The following CHRNA7 variants were observed in gnomAD, a reference collection of about 807,000 sequenced individuals.
CHRNA7 encodes neuronal acetylcholine receptor subunit alpha-7.
Under a neutral mutation model 48.0 loss-of-function variants are expected in CHRNA7, and 17 were observed. That is an observed-to-expected ratio of 0.35 (90% CI 0.24 to 0.53). CHRNA7 has a LOEUF of 0.53. Ranked by LOEUF, CHRNA7 falls within the 20% of genes least tolerant of loss-of-function variation. The pLI is 0.92. For missense variants in CHRNA7, 155 were observed against 577.7 expected (o/e 0.27, Z 7.50); for synonymous variants, 75 against 242.3 (o/e 0.31, Z 6.41).
intron 3 of CHRNA7, among the ~76,000 whole-genome samples, chr15:32,105,285 A>T (rs1428716351): frequency 6.6e-6 from 1 of 152,200 alleles, no homozygotes; most frequent in Admixed American, 6.5e-5. Context: ...TTCTACCTTT[A>T]AGCCATTTAT....
intron 2 of CHRNA7, among the ~76,000 whole-genome samples, chr15:32,042,473 A>G (rs909974131): frequency 6.6e-6 from 1 of 152,146 alleles, no homozygotes; most frequent in African/African-American, 2.4e-5. Flanking sequence ...TTTCTTCAGT[A>G]TTTCCTGTGG....
At chr15:32,034,728 T>C (rs1338771699) in intron 2 of CHRNA7, among the ~76,000 whole-genome samples, 2 of 152,172 alleles carry the variant, frequency 1.3e-5, no homozygotes, top group Admixed American at 1.3e-4. Context: ...GTATAAATTA[T>C]AGATTGGAGT....
intron 2 of CHRNA7, among the ~76,000 whole-genome samples, chr15:32,035,701 A>G (rs373145243): frequency 6.6e-6 from 1 of 152,358 alleles, no homozygotes; most frequent in East Asian, 1.9e-4. Context: ...ACTGTCAAAT[A>G]TTATAAAACC....
chr15:32,114,557 T>G (rs2050835883), intron 4 of CHRNA7, among the ~76,000 whole-genome samples: 1 of 152,208 alleles, frequency 6.6e-6, no homozygotes, highest in African/African-American at 2.4e-5. Flanking sequence ...CTTCAATTTC[T>G]GCTTTTGTTT....
chr15:32,127,986 T>C (rs1026206302), intron 4 of CHRNA7, among the ~76,000 whole-genome samples: 1 of 152,050 alleles, frequency 6.6e-6, no homozygotes, highest in African/African-American at 2.4e-5. Context: ...TGTCAATTTT[T>C]GGTATGATAT....
chr15:32,139,355 T>G (rs1347114879), intron 4 of CHRNA7, among the ~76,000 whole-genome samples: 1 of 152,258 alleles, frequency 6.6e-6, no homozygotes, highest in Non-Finnish European at 1.5e-5. Flanking sequence ...AACACACGTT[T>G]TCTGCTCCTT....
chr15:32,074,768 C>G (rs2050111597), intron 2 of CHRNA7, among the ~76,000 whole-genome samples: 1 of 151,876 alleles, frequency 6.6e-6, no homozygotes, highest in Non-Finnish European at 1.5e-5. Context: ...GATTCTCAGG[C>G]TCCCGAGTAG....
intron 4 of CHRNA7, among the ~76,000 whole-genome samples, chr15:32,147,692 A>C (rs2051520694): frequency 6.6e-6 from 1 of 152,256 alleles, no homozygotes; most frequent in Admixed American, 6.5e-5. Context: ...TGGCAGGTAG[A>C]AATGACCATA....
At chr15:32,086,511 G>T (rs559678492) in intron 2 of CHRNA7, among the ~76,000 whole-genome samples, 1 of 152,128 alleles carries the variant, frequency 6.6e-6, no homozygotes, top group African/African-American at 2.4e-5. Flanking sequence ...TCTTGCATCA[G>T]TATGATGCTG....
chr15:32,071,787 C>T (rs939753440), intron 2 of CHRNA7, among the ~76,000 whole-genome samples: 15 of 151,910 alleles, frequency 9.9e-5, no homozygotes, highest in Non-Finnish European at 1.9e-4. Context: ...TGGCACTATG[C>T]TTCTCGTACA....
At chr15:32,136,118 C>T (rs1406384671) in intron 4 of CHRNA7, among the ~76,000 whole-genome samples, 4 of 151,902 alleles carry the variant, frequency 2.6e-5, no homozygotes, top group East Asian at 1.9e-4. Flanking sequence ...AAGCAGTGAG[C>T]GAAGCAATTG....
chr15:32,129,260 G>T (rs2051117439), intron 4 of CHRNA7, among the ~76,000 whole-genome samples: 1 of 151,910 alleles, frequency 6.6e-6, no homozygotes, highest in African/African-American at 2.4e-5. Context: ...TCTAGTTTTG[G>T]TTATGAGGTT....
chr15:32,131,299 C>G (rs2051152226), intron 4 of CHRNA7, among the ~76,000 whole-genome samples: 2 of 152,026 alleles, frequency 1.3e-5, no homozygotes, highest in Non-Finnish European at 2.9e-5. Flanking sequence ...TTTTCTGAGA[C>G]TCTCATGACA....
At chr15:32,064,812 C>T (rs901833743) in intron 2 of CHRNA7, among the ~76,000 whole-genome samples, 1 of 152,170 alleles carries the variant, frequency 6.6e-6, no homozygotes, top group Non-Finnish European at 1.5e-5. Flanking sequence ...TTTACCTATG[C>T]TCATCATACA....
chr15:32,030,726 G>T (rs2292571), intron 1 of CHRNA7, 77 bp downstream of exon 1: 1 of 1,533,542 alleles, frequency 6.5e-7, no homozygotes, highest in African/African-American at 1.4e-5. Flanking sequence ...TGCGCCCCGC[G>T]CCTGGGCCAG....
intron 5 of CHRNA7, chr15:32,157,201 GACACACACACAC>G (rs201668843): frequency 1.5e-5 from 2 of 134,232 alleles, no homozygotes; most frequent in South Asian, 1.2e-4. Context: ...GCACCAAACA[GACACACACACAC>G]ACACACACAC....
rs1377000809 is a variant in CHRNA7, at chr15:32,149,558, A to C, written c.351-4349A>C. ...AACAGATAAAGTAGTATTAGCACAA[A>C]TCCATTACAAGAGTTTACTTTTATA... On this transcript the variant is annotated intron_variant, in intron 4 of 9. Coordinates refer to ENST00000306901, the MANE Select transcript of CHRNA7 (RefSeq NM_000746.6). This position sits in a 1 kb window ranked among gnomAD's most constrained non-coding sequence, Gnocchi z 4.6. Among the ~76,000 whole-genome samples the C allele has an allele frequency of 6.6e-6, 1 of 152,204 alleles. No individual in the cohort carries two copies. Among genetic ancestry groups the C allele is most frequent in the African/African-American group, 2.4e-5 (1 of 41,448 alleles).
At chr15:32,068,722 C>CG (rs1555376242) in intron 2 of CHRNA7, among the ~76,000 whole-genome samples, 1 of 145,514 alleles carries the variant, frequency 6.9e-6, no homozygotes, top group African/African-American at 2.6e-5. Flanking sequence ...GACTCCATCT[C>CG]GGGGAAAAAA....
At chr15:32,047,585 G>T (rs938482321) in intron 2 of CHRNA7, among the ~76,000 whole-genome samples, 7 of 152,130 alleles carry the variant, frequency 4.6e-5, no homozygotes, top group Non-Finnish European at 7.4e-5. Context: ...AGACAATGGG[G>T]TTTTCTAGAT....
Sources: gnomAD v4.1 joint callset for allele counts (sites outside exome capture counted in the v4.1 genomes callset) on GRCh38, gnomAD v4.1.1 for gene constraint, Gnocchi (gnomAD v3.1) non-coding constraint, MANE v1.5 for transcripts, NCBI Gene and HGNC (gene_info 2026-07-23, HGNC 2026-07-21) for gene names.